MARCHF1: variants seen among roughly 807,000 people sequenced by gnomAD.
The protein encoded by MARCHF1 is membrane associated ring-CH-type finger 1, also known as E3 ubiquitin-protein ligase MARCHF1.
A neutral mutation model predicts 54.2 loss-of-function variants in MARCHF1; 40 were observed. The ratio of observed to expected loss-of-function variants is 0.74; its 90% CI spans 0.57 to 0.96. MARCHF1 has a LOEUF of 0.96. MARCHF1 is among the 40% of genes least tolerant of loss of function. MARCHF1 has a pLI of 0.00. For missense variants in MARCHF1, 586 were observed against 656.5 expected (o/e 0.89, Z 1.17); for synonymous variants, 236 against 236.3 (o/e 1.00, Z 0.01).
At chr4:164,279,856 T>C (rs1318035521) in intron 1 of MARCHF1, among the ~76,000 whole-genome samples, 2 of 151,590 alleles carry the variant, frequency 1.3e-5, no homozygotes, top group Non-Finnish European at 3.0e-5. Flanking sequence ...ATACTAAATA[T>C]GGCAAAAGAT....
At chr4:163,733,383 A>G (rs1374138904) in intron 4 of MARCHF1, among the ~76,000 whole-genome samples, 4 of 144,670 alleles carry the variant, frequency 2.8e-5, no homozygotes, top group African/African-American at 1.0e-4. Flanking sequence ...AAATAATAAA[A>G]AGCACTGGAA....
chr4:163,599,297 T>TTATATATAAATA lies in MARCHF1; in HGVS notation c.1010+12973_1010+12974insTATTTATATATA, dbSNP rs1740872571. 2.0e-5 allele frequency among the ~76,000 whole-genome samples: 3 copies of TTATATATAAATA among 146,702 alleles called. No homozygotes were observed. In the East Asian group the frequency reaches 5.9e-4, roughly 29 times the overall value. ...AGAGTGAGACTCCATCTCAAAAAAA[T>TTATATATAAATA]TATATATATATATATGTTTTATTTT... On this transcript the variant is annotated intron_variant, in intron 7 of 9. Transcript: ENST00000514618.
intron 2 of MARCHF1, among the ~76,000 whole-genome samples, chr4:164,047,008 ATAAGTGGACATTCCTCAAGAAAATG>A (rs1324881563): frequency 2.6e-5 from 4 of 152,362 alleles, no homozygotes; most frequent in African/African-American, 9.6e-5. Context: ...GACATATCAA[ATAAGTGGACATTCCTCAAGAAAATG>A]TAAACTTTTA....
intron 1 of MARCHF1, among the ~76,000 whole-genome samples, chr4:164,242,526 G>T (rs912632700): frequency 1.3e-5 from 2 of 150,894 alleles, no homozygotes; most frequent in African/African-American, 2.4e-5. Flanking sequence ...CAAAGATGGG[G>T]AAAAAACAGA....
chr4:164,361,194 T>C (rs1730713811), intron 1 of MARCHF1, among the ~76,000 whole-genome samples: 1 of 152,052 alleles, frequency 6.6e-6, no homozygotes, highest in Non-Finnish European at 1.5e-5. Flanking sequence ...GCTTTATTAG[T>C]TAATTCTCTC....
chr4:163,835,870 T>C (rs1374117413), intron 4 of MARCHF1, among the ~76,000 whole-genome samples: 1 of 6,740 alleles, frequency 1.5e-4, no homozygotes, highest in Admixed American at 3.2e-3. Context: ...TAGAAATAGA[T>C]TGTTTTTTTC....
At chr4:163,869,564 C>T (rs1054335804) in intron 3 of MARCHF1, among the ~76,000 whole-genome samples, 43 of 152,144 alleles carry the variant, frequency 2.8e-4, no homozygotes, top group Non-Finnish European at 3.7e-4. Context: ...TTATATGTTG[C>T]TACTGTTGAA....
chr4:164,219,986 A>C (rs1051004402), intron 1 of MARCHF1, among the ~76,000 whole-genome samples: 1 of 151,888 alleles, frequency 6.6e-6, no homozygotes, highest in Non-Finnish European at 1.5e-5. Flanking sequence ...CAAAGTTTAT[A>C]GTTTTATTGC....
At chr4:163,860,345 C>T (rs10030364) in intron 3 of MARCHF1, among the ~76,000 whole-genome samples, 11,735 of 152,122 alleles carry the variant, frequency 0.077, 951 homozygotes, top group East Asian at 0.32. Flanking sequence ...AGCAACTTAT[C>T]TATATTTCAT....
At chr4:163,741,846 C>T (rs890515106) in intron 4 of MARCHF1, among the ~76,000 whole-genome samples, 6 of 152,142 alleles carry the variant, frequency 3.9e-5, no homozygotes, top group African/African-American at 1.4e-4. Context: ...CCATTGTGAA[C>T]TGAGGCAATA....
chr4:164,241,598 T>C (rs1329444610), intron 1 of MARCHF1, among the ~76,000 whole-genome samples: 2 of 152,084 alleles, frequency 1.3e-5, no homozygotes, highest in African/African-American at 2.4e-5. Flanking sequence ...AGACATATAC[T>C]ATTATATAAA....
chr4:163,613,051 G>A lies in MARCHF1; in HGVS notation c.243-13C>T. 1 of 1,461,944 alleles carries A rather than the reference G, an allele frequency of 6.8e-7. No individual in the cohort carries two copies. The highest frequency in any genetic ancestry group is 1.4e-5 in the South Asian group (1 of 69,920). 90.6% of individuals were successfully genotyped at this position (1,461,944 alleles called of 1,614,324 possible). ...CAAGATGGCAGATCTAGACAGAGCA[G>A]CAGGCAAAGGATGGGAAATGGGAAT... On this transcript the variant is annotated splice_polypyrimidine_tract_variant and intron_variant, in intron 6 of 9. Transcript: ENST00000514618.
chr4:163,990,477 C>T (rs537515283), intron 2 of MARCHF1, among the ~76,000 whole-genome samples: 75 of 152,270 alleles, frequency 4.9e-4, no homozygotes, highest in Middle Eastern at 3.4e-3. Flanking sequence ...AAATCTCTTG[C>T]TTAAAATAGT....
At chr4:163,660,124 T>A (rs1056603476) in intron 5 of MARCHF1, among the ~76,000 whole-genome samples, 2 of 152,028 alleles carry the variant, frequency 1.3e-5, no homozygotes, top group African/African-American at 4.8e-5. Flanking sequence ...TGCAACACTA[T>A]TTACAATAGT....
intron 1 of MARCHF1, among the ~76,000 whole-genome samples, chr4:164,164,178 A>C (rs1730310530): frequency 6.6e-6 from 1 of 151,966 alleles, no homozygotes; most frequent in South Asian, 2.1e-4. Flanking sequence ...AAGATATTAG[A>C]AAAATAAGGG....
chr4:163,900,774 T>C (rs1750922690), intron 3 of MARCHF1, among the ~76,000 whole-genome samples: 1 of 152,144 alleles, frequency 6.6e-6, no homozygotes, highest in Non-Finnish European at 1.5e-5. Flanking sequence ...CTTGGTATTG[T>C]GGTAGGTACT....
intron 3 of MARCHF1, among the ~76,000 whole-genome samples, chr4:163,976,307 C>G (rs1297828295): frequency 6.6e-6 from 1 of 152,092 alleles, no homozygotes; most frequent in African/African-American, 2.4e-5. Flanking sequence ...CCCAAGAAAA[C>G]TTATCTGCAG....
intron 3 of MARCHF1, among the ~76,000 whole-genome samples, chr4:163,938,611 C>T (rs555803412): frequency 1.3e-5 from 2 of 152,234 alleles, no homozygotes; most frequent in East Asian, 1.9e-4. Flanking sequence ...ATTCCTTTAA[C>T]CTGAAGGATG....
At chr4:164,140,739 T>C (rs1756511897) in intron 1 of MARCHF1, among the ~76,000 whole-genome samples, 4 of 144,918 alleles carry the variant, frequency 2.8e-5, no homozygotes, top group Non-Finnish European at 6.0e-5. Flanking sequence ...CCCAGTGTTT[T>C]GGTAACATAC....
Sources: gnomAD v4.1 joint callset for allele counts (sites outside exome capture counted in the v4.1 genomes callset) on GRCh38, gnomAD v4.1.1 for gene constraint, MANE v1.5 for transcripts, NCBI Gene and HGNC (gene_info 2026-07-23, HGNC 2026-07-21) for gene names.